The following PTCHD1 variants were observed in gnomAD, a reference collection of about 807,000 sequenced individuals.
PTCHD1 encodes patched domain containing 1.
In PTCHD1, 3 loss-of-function variants were observed where a neutral mutation model predicts 34.6. The ratio of observed to expected loss-of-function variants is 0.09; its 90% CI spans 0.04 to 0.22. The LOEUF is 0.22. PTCHD1 is among the 10% of genes least tolerant of loss of function. The pLI is 1.00. For missense variants in PTCHD1, 504 were observed against 685.5 expected, an observed-to-expected ratio of 0.74 and a Z score of 2.96; for synonymous variants, 305 against 283.1, an observed-to-expected ratio of 1.08 and a Z score of -0.77.
At chrX:23,342,266 C>CATATATATATATA (rs1921331408) in intron 1 of PTCHD1, among the ~76,000 whole-genome samples, 1 of 31,263 alleles carries the variant, frequency 3.2e-5, no homozygotes. Flanking sequence ...GTGTTTCTCC[C>CATATATATATATA]TATATATATA....
chrX:23,378,864 G>A (rs1291325067), intron 1 of PTCHD1, among the ~76,000 whole-genome samples: 13 of 112,230 alleles, frequency 1.2e-4, no homozygotes, highest in Non-Finnish European at 2.4e-4. Flanking sequence ...TCGGTATAGA[G>A]CAAGGTGTGT....
intron 1 of PTCHD1, among the ~76,000 whole-genome samples, chrX:23,365,367 C>T (rs980017183): frequency 9.0e-6 from 1 of 111,218 alleles, no homozygotes. Flanking sequence ...CTAGGAAACT[C>T]GAATTCCAGA....
intron 2 of PTCHD1, among the ~76,000 whole-genome samples, chrX:23,384,994 G>C (rs1401960621): frequency 8.9e-6 from 1 of 112,013 alleles, no homozygotes; most frequent in Non-Finnish European, 1.9e-5. Context: ...ACTTTGCTTA[G>C]ATATAAATCA....
intron 1 of PTCHD1, among the ~76,000 whole-genome samples, chrX:23,354,496 A>AATATAT (rs142123920): frequency 3.1e-4 from 30 of 95,801 alleles, no homozygotes; most frequent in Middle Eastern, 5.2e-3. Flanking sequence ...GAAGTACACA[A>AATATAT]ATATATATAT....
intron 1 of PTCHD1, among the ~76,000 whole-genome samples, chrX:23,370,830 C>A (rs1922256717): frequency 9.0e-6 from 1 of 111,252 alleles, no homozygotes; most frequent in Admixed American, 9.5e-5. Context: ...TGATTTTTTT[C>A]ATAAGTTAAA....
chrX:23,394,245 A>T lies in PTCHD1; in HGVS notation c.*60A>T. ...TATCAAGACCAAAGAGATTATGTTAATGAAACAATTAAATTCAAAGTTCTT... is the reference window on the plus strand; with the variant it reads ...TATCAAGACCAAAGAGATTATGTTATTGAAACAATTAAATTCAAAGTTCTT... On this transcript the variant is annotated 3_prime_UTR_variant, in exon 3 of 3. Transcript: ENST00000379361. 5 of 811,847 alleles carry T rather than the reference A, an allele frequency of 6.2e-6. No homozygotes were observed. In the South Asian group the frequency reaches 1.2e-4, roughly 19 times the overall value. 66.9% of individuals were successfully genotyped at this position (811,847 alleles called of 1,213,427 possible). A position where few individuals can be genotyped will look rare whatever the true frequency, so the allele number is the denominator to read the frequency against.
At chrX:23,369,221 T>C (rs1922220311) in intron 1 of PTCHD1, among the ~76,000 whole-genome samples, 1 of 111,883 alleles carries the variant, frequency 8.9e-6, no homozygotes, top group South Asian at 3.8e-4. Flanking sequence ...AGGTTTCTGT[T>C]GTAAATATCT....
At chrX:23,343,148 T>A (rs954161250) in intron 1 of PTCHD1, among the ~76,000 whole-genome samples, 7 of 112,733 alleles carry the variant, frequency 6.2e-5, no homozygotes, top group Non-Finnish European at 1.1e-4. Context: ...TAATTTTGCC[T>A]GGTAGCATGA....
At chrX:23,383,538 G>C (rs1252211379) in intron 2 of PTCHD1, among the ~76,000 whole-genome samples, 1 of 111,924 alleles carries the variant, frequency 8.9e-6, no homozygotes, top group Non-Finnish European at 1.9e-5. Flanking sequence ...GGATGTGACT[G>C]TGTGTTTCTA....
chrX:23,359,198 G>A (rs753593302), intron 1 of PTCHD1, among the ~76,000 whole-genome samples: 1 of 112,463 alleles, frequency 8.9e-6, no homozygotes, highest in South Asian at 3.7e-4. Context: ...GTCATTGGTA[G>A]CTTGATGGGG....
rs890392488 is a variant in PTCHD1, at chrX:23,399,531, C to A, written c.*5346C>A. The A allele has an allele frequency of 1.8e-5, 2 of 111,834 alleles. No individual in the cohort carries two copies. Among genetic ancestry groups the A allele is most frequent in the Non-Finnish European group, 3.8e-5 (2 of 53,179 alleles). The allele number at this position is 111,834 out of a possible 1,213,427, so 9.2% of individuals were successfully genotyped here. A position where few individuals can be genotyped will look rare whatever the true frequency, so the allele number is the denominator to read the frequency against. On this transcript the variant is annotated 3_prime_UTR_variant, in exon 3 of 3. Coordinates refer to ENST00000379361, the MANE Select transcript of PTCHD1 (RefSeq NM_173495.3). ...ATACAGACCTCATTGGGAGTGTGATCCTGGTGTCCTCATTTTGGCTAATGA... is the reference window on the plus strand; with the variant it reads ...ATACAGACCTCATTGGGAGTGTGATACTGGTGTCCTCATTTTGGCTAATGA...
Position 23,393,012 on chromosome X carries a change from C to T in PTCHD1, c.1494C>T (p.Thr498=), listed in dbSNP as rs138676073. Residue 498 remains threonine, a synonymous_variant, in exon 3 of 3, where the codon ACC becomes ACT. Transcript: ENST00000379361. The part of the protein sequence containing the change: ...KRYYCDWITN[T]YVKPFVVLFY... ...ATTACTGTGACTGGATAACCAACAC[C>T]TATGTCAAGCCTTTTGTAGTTCTCT... The T allele has an allele frequency of 4.8e-4, 584 of 1,209,698 alleles. No individual in the cohort carries two copies. In the East Asian group the frequency reaches 0.016, roughly 34 times the overall value.
chrX:23,370,402 A>C (rs761998374), intron 1 of PTCHD1, among the ~76,000 whole-genome samples: 1 of 111,817 alleles, frequency 8.9e-6, no homozygotes, highest in Non-Finnish European at 1.9e-5. Flanking sequence ...GCCCTGTGAG[A>C]CCTCTTTTCA....
chrX:23,387,496 T>G (rs1161462895), intron 2 of PTCHD1, among the ~76,000 whole-genome samples: 1 of 112,479 alleles, frequency 8.9e-6, no homozygotes, highest in Non-Finnish European at 1.9e-5. Flanking sequence ...AAAATTCTTT[T>G]GAGAATAAGA....
chrX:23,363,271 A>C (rs748003240), intron 1 of PTCHD1, among the ~76,000 whole-genome samples: 115 of 112,808 alleles, frequency 1.0e-3, no homozygotes, highest in Middle Eastern at 4.6e-3. Context: ...GAATCTACAG[A>C]GGCAACAGGC....
Position 23,402,764 on chromosome X carries a change from T to C in PTCHD1, c.*8579T>C, listed in dbSNP as rs1923154498. 2 of 112,501 alleles carry C rather than the reference T, an allele frequency of 1.8e-5. No homozygotes were observed. The highest frequency in any genetic ancestry group is 6.5e-5 in the African/African-American group (2 of 30,997). The allele number at this position is 112,501 out of a possible 1,213,427, so 9.3% of individuals were successfully genotyped here. A position where few individuals can be genotyped will look rare whatever the true frequency, so the allele number is the denominator to read the frequency against. On this transcript the variant is annotated 3_prime_UTR_variant, in exon 3 of 3. Transcript: ENST00000379361. ...AGAAATTTCAGCTTGGTTTTAGTAATTTCTTGATCAAACTTCTCTCATTCC... is the reference window on the plus strand; with the variant it reads ...AGAAATTTCAGCTTGGTTTTAGTAACTTCTTGATCAAACTTCTCTCATTCC...
At chrX:23,334,802 C>T (rs1921113282), upstream of PTCHD1, 2 of 609,379 alleles carry the variant, frequency 3.3e-6, no homozygotes, top group Non-Finnish European at 4.0e-6. Flanking sequence ...CCGCCGCCGC[C>T]GCCGCCGCCG....
At chrX:23,381,786 T>C (rs1922570644) in intron 2 of PTCHD1, among the ~76,000 whole-genome samples, 1 of 112,088 alleles carries the variant, frequency 8.9e-6, no homozygotes, top group African/African-American at 3.2e-5. Flanking sequence ...TACCTCCTCC[T>C]GAATTCGGTC....
At chrX:23,353,540 G>A (rs979294268) in intron 1 of PTCHD1, among the ~76,000 whole-genome samples, 1 of 111,465 alleles carries the variant, frequency 9.0e-6, no homozygotes, top group Non-Finnish European at 1.9e-5. Context: ...GGTGAGCGGA[G>A]ATCGCGCCAC....
Sources: allele counts gnomAD v4.1 joint callset (sites outside exome capture counted in the v4.1 genomes callset), GRCh38; gene constraint gnomAD v4.1.1; transcripts MANE v1.5; gene names NCBI Gene and HGNC (gene_info 2026-07-23, HGNC 2026-07-21).